The following FLNB variants were observed in gnomAD, a reference collection of about 807,000 sequenced individuals.
The protein encoded by FLNB is filamin B.
In FLNB, 111 loss-of-function variants were observed where a neutral mutation model predicts 250.6. That is an observed-to-expected ratio of 0.44 (90% CI 0.38 to 0.52). The LOEUF (loss-of-function observed/expected upper bound fraction) is 0.52. Ranked by LOEUF, FLNB falls within the 20% of genes least tolerant of loss-of-function variation. The pLI, the probability that FLNB is intolerant of heterozygous loss-of-function variation, is 0.00. For synonymous variants in FLNB, 1,302 were observed against 1,372.1 expected, an observed-to-expected ratio of 0.95 and a Z score of 1.13; for missense variants, 2,869 against 3,447.8, an observed-to-expected ratio of 0.83 and a Z score of 4.20.
chr3:58,133,864 C>T (rs1575442039), intron 26 of FLNB, among the ~76,000 whole-genome samples: 1 of 151,852 alleles, frequency 6.6e-6, no homozygotes, highest in Middle Eastern at 3.4e-3. Context: ...ACTAATATAC[C>T]ATGTACCATA....
rs1559727736 is a variant in FLNB, at chr3:58,145,959, G to A, written c.5464G>A (p.Gly1822Arg). ...LQFYVNYPNS[G>R]SVSAYGPGLV... ...GTTCTACGTGAACTACCCCAACAGTGGAAGTGTTTCTGCATACGGTCCAGG... is the reference window on the plus strand; with the variant it reads ...GTTCTACGTGAACTACCCCAACAGTAGAAGTGTTTCTGCATACGGTCCAGG... The change falls in exon 33 of 46, where the codon GGA becomes AGA. Residue 1822 changes from glycine (G) to arginine (R), a missense_variant. Gly to Arg is a moderately radical substitution (Grantham distance 125). Transcript: ENST00000295956. 1 of 1,614,202 alleles carries A rather than the reference G, an allele frequency of 6.2e-7. No homozygotes were observed. The highest frequency in any genetic ancestry group is 8.5e-7 in the Non-Finnish European group (1 of 1,180,030).
Position 58,132,796 on chromosome 3 carries a change from C to A in FLNB, c.4391-12C>A. The A allele has an allele frequency of 6.2e-7, 1 of 1,614,136 alleles. No individual in the cohort carries two copies. Among genetic ancestry groups the A allele is most frequent in the Non-Finnish European group, 8.5e-7 (1 of 1,180,018 alleles). On this transcript the variant is annotated splice_polypyrimidine_tract_variant and intron_variant, in intron 25 of 45. Transcript: ENST00000295956. ...CCAGGCAGCTCCTTAAACCTCTCAT[C>A]TCTGTCCTCAGGCTTGGTGGAGCCA... is the stretch of plus-strand genomic sequence containing the variant.
At chr3:58,035,309 T>A (rs1392614758) in intron 1 of FLNB, among the ~76,000 whole-genome samples, 1 of 152,168 alleles carries the variant, frequency 6.6e-6, no homozygotes, top group Non-Finnish European at 1.5e-5. Flanking sequence ...TTTTAAGCTG[T>A]CTATGTAATT....
chr3:58,062,562 T>C (rs2106888310), intron 1 of FLNB, among the ~76,000 whole-genome samples: 1 of 152,296 alleles, frequency 6.6e-6, no homozygotes, highest in Non-Finnish European at 1.5e-5. Flanking sequence ...GAACTTCAAA[T>C]TGAATTTACG....
At chr3:58,032,792 G>T (rs1451736101) in intron 1 of FLNB, among the ~76,000 whole-genome samples, 1 of 152,190 alleles carries the variant, frequency 6.6e-6, no homozygotes, top group African/African-American at 2.4e-5. Flanking sequence ...TATTGGCTGG[G>T]TGTGGTAGCT....
At chr3:58,168,943 G>A in intron 44 of FLNB, 3 of 403,568 alleles carry the variant, frequency 7.4e-6, no homozygotes, top group Admixed American at 3.9e-5. Context: ...TTAGATCAGG[G>A]TCTGAAAAAT....
intron 1 of FLNB, among the ~76,000 whole-genome samples, chr3:58,064,850 C>A (rs1236353373): frequency 6.6e-6 from 1 of 152,028 alleles, no homozygotes; most frequent in African/African-American, 2.4e-5. Context: ...TTGTCTCCCC[C>A]CGCCACACAC....
rs748246153 is a variant in FLNB at position 58,168,542 on chromosome 3, C to T, written c.7301C>T (p.Thr2434Ile). The change falls in exon 44 of 46, where the codon ACA becomes ATA. Residue 2434 changes from threonine (T) to isoleucine (I), a missense_variant. This residue lies in a region of FLNB where 1,084 missense variants were observed against 1,315.5 expected (regional missense o/e 0.82). Transcript: ENST00000295956. ...AAGGTTAAAATGGATTGCCAGGAAA[C>T]ACCTGAAGGGTACAAAGTCATGTAC... ...PSKVKMDCQE[T>I]PEGYKVMYTP... The T allele has an allele frequency of 1.2e-6, 2 of 1,614,178 alleles. No individual in the cohort carries two copies. Among genetic ancestry groups the T allele is most frequent in the Non-Finnish European group, 8.5e-7 (1 of 1,179,984 alleles).
chr3:58,026,039 C>T (rs1559643215), intron 1 of FLNB, among the ~76,000 whole-genome samples: 1 of 152,240 alleles, frequency 6.6e-6, no homozygotes, highest in East Asian at 1.9e-4. Context: ...TAAACGTCAG[C>T]TGCTGCTGTT....
At chr3:58,159,310 C>T (rs2097357863) in intron 41 of FLNB, among the ~76,000 whole-genome samples, 1 of 152,296 alleles carries the variant, frequency 6.6e-6, no homozygotes, top group African/African-American at 2.4e-5. Flanking sequence ...CTCAAGTATC[C>T]AAGCCCAGAA....
At position 58,136,678 on chromosome 3, in the gene FLNB, T is replaced by C. The variant is rs933321431; in HGVS notation, c.4861+510T>C. Reference sequence around the variant, plus strand: ...TGAGCATCACAGTTTCTTTGGTTTCTTTCTTTTTTTTTCCCCTCCTTTTTC... The same window carrying C: ...TGAGCATCACAGTTTCTTTGGTTTCCTTCTTTTTTTTTCCCCTCCTTTTTC... On this transcript the variant is annotated intron_variant, in intron 28 of 45. Coordinates refer to ENST00000295956, the MANE Select transcript of FLNB (RefSeq NM_001457.4). Among the ~76,000 whole-genome samples the C allele has an allele frequency of 9.2e-5, 14 of 152,102 alleles. No individual in the cohort carries two copies. The East Asian group carries it at 2.7e-3, about 29-fold the overall frequency.
At chr3:58,015,807 G>T (rs1475642991) in intron 1 of FLNB, among the ~76,000 whole-genome samples, 1 of 152,222 alleles carries the variant, frequency 6.6e-6, no homozygotes, top group Non-Finnish European at 1.5e-5. Flanking sequence ...AAAAGGAGGA[G>T]CACCTGCCCC....
chr3:58,104,820 G>A (rs2097257005), intron 10 of FLNB, among the ~76,000 whole-genome samples: 1 of 152,182 alleles, frequency 6.6e-6, no homozygotes. Flanking sequence ...AGGGCCAGGA[G>A]GCTGGTGCAA....
intron 1 of FLNB, among the ~76,000 whole-genome samples, chr3:58,034,813 CG>C (rs1394830064): frequency 6.6e-6 from 1 of 152,140 alleles, no homozygotes; most frequent in Non-Finnish European, 1.5e-5. Context: ...TCTCCACAGA[CG>C]GGTGGGTGTA....
chr3:58,144,929 G>A (rs919436227), intron 32 of FLNB, among the ~76,000 whole-genome samples: 1 of 152,154 alleles, frequency 6.6e-6, no homozygotes, highest in African/African-American at 2.4e-5. Flanking sequence ...TCCACGGCCT[G>A]TTTTTCTATT....
Position 58,146,697 on chromosome 3 carries a change from C to T in FLNB, c.5555-123C>T, listed in dbSNP as rs577720541. ...CAGATGTCCCTTTGCCCACAGCTCA[C>T]GTGGAGTGCGTCAATCCATTGTCCC... is the stretch of plus-strand genomic sequence containing the variant. On this transcript the variant is annotated intron_variant, in intron 33 of 45. Transcript: ENST00000295956. 529 of 966,042 alleles carry T rather than the reference C, an allele frequency of 5.5e-4. 2 individuals carry two copies. In the African/African-American group the frequency reaches 7.7e-3, roughly 14 times the overall value. 59.8% of individuals were successfully genotyped at this position (966,042 alleles called of 1,614,324 possible).
chr3:58,159,595 A>C lies in FLNB; in HGVS notation c.6930A>C (p.Ile2310=). 2 of 1,614,082 alleles carry C rather than the reference A, an allele frequency of 1.2e-6. No individual in the cohort carries two copies. Among genetic ancestry groups the C allele is most frequent in the African/African-American group, 2.7e-5 (2 of 75,034 alleles). The change falls in exon 42 of 46, where the codon ATA becomes ATC. Residue 2310 remains isoleucine (I), a synonymous_variant. Coordinates refer to ENST00000295956, the MANE Select transcript of FLNB (RefSeq NM_001457.4). ...TTAACCAGCCAGCATCCTTTGCTAT[A>C]AGGTTGAATGGCGCAAAAGGCAAGA... The part of the protein sequence containing the change: ...LKVNQPASFA[I]RLNGAKGKID...
chr3:58,027,608 T>C (rs2097125293), intron 1 of FLNB, among the ~76,000 whole-genome samples: 1 of 152,218 alleles, frequency 6.6e-6, no homozygotes, highest in South Asian at 2.1e-4. Flanking sequence ...CTCCTAGGTC[T>C]ACCTCTACCA....
intron 18 of FLNB, among the ~76,000 whole-genome samples, chr3:58,113,514 T>G (rs984409822): frequency 2.0e-5 from 3 of 152,156 alleles, no homozygotes; most frequent in Admixed American, 2.0e-4. Flanking sequence ...AACTGTCCCC[T>G]GAGTTTGGGG....
Sources: gnomAD v4.1 joint callset for allele counts (sites outside exome capture counted in the v4.1 genomes callset) on GRCh38, gnomAD v4.1.1 for gene constraint, gnomAD v4.1.1 regional missense constraint, MANE v1.5 for transcripts, NCBI Gene and HGNC (gene_info 2026-07-23, HGNC 2026-07-21) for gene names.